Variants in LZTS1 observed in about 807,000 individuals in gnomAD.
LZTS1 encodes leucine zipper tumor suppressor 1.
Under a neutral mutation model 45.8 loss-of-function variants are expected in LZTS1, and 31 were observed. The ratio of observed to expected loss-of-function variants is 0.68; its 90% CI spans 0.51 to 0.91. The LOEUF is 0.91. LZTS1 is among the 40% of genes least tolerant of loss of function. The probability of loss-of-function intolerance (pLI) is 0.00; values close to 1 mark genes in which losing one functional copy is unlikely to be tolerated. For synonymous variants in LZTS1, 359 were observed against 357.3 expected, an observed-to-expected ratio of 1.00 and a Z score of -0.05; for missense variants, 821 against 788.9, an observed-to-expected ratio of 1.04 and a Z score of -0.49.
chr8:20,256,622 A>C (rs1297356156), intron 1 of LZTS1, among the ~76,000 whole-genome samples: 1 of 152,106 alleles, frequency 6.6e-6, no homozygotes, highest in East Asian at 1.9e-4. Context: ...CTGTCTCTAA[A>C]AAACAGTTTT....
chr8:20,253,099 G>A lies in LZTS1; in HGVS notation c.832C>T (p.Gln278Ter). Reference sequence around the variant, plus strand: ...TCCTCAAAGCTGCGCTGCAGCTTCTGGAGGGCGCCCTCCCTCTCCAACAGC... The same window carrying A: ...TCCTCAAAGCTGCGCTGCAGCTTCTAGAGGGCGCCCTCCCTCTCCAACAGC... ...QKLLEREGAL[Q>*]KLQRSFEEKE... Residue 278 changes from glutamine (Q) to a stop codon, truncating the protein, a stop_gained, in exon 3 of 4, where the codon CAG becomes TAG. Transcript: ENST00000381569. LOFTEE classifies it high-confidence loss of function. 1 of 1,610,652 alleles carries A rather than the reference G, an allele frequency of 6.2e-7. No homozygotes were observed.
intron 1 of LZTS1, among the ~76,000 whole-genome samples, chr8:20,298,213 C>T (rs1215291144): frequency 6.6e-6 from 1 of 152,056 alleles, no homozygotes; most frequent in Non-Finnish European, 1.5e-5. Flanking sequence ...AGGCGTGCAC[C>T]ACCACACCTG....
In LZTS1 at chr8:20,303,752, C is replaced by T. The variant is rs1585309060; in HGVS notation, c.-147G>A. ...CACCGCACCTTACCTGCCCCCTGCGCCTCGGGCGCACTTGAGACTTTTTTT... is the reference window on the plus strand; with the variant it reads ...CACCGCACCTTACCTGCCCCCTGCGTCTCGGGCGCACTTGAGACTTTTTTT... On this transcript the variant is annotated 5_prime_UTR_variant, in exon 1 of 4. Transcript: ENST00000381569. The T allele has an allele frequency of 1.1e-5, 11 of 985,436 alleles. No homozygotes were observed. The highest frequency in any genetic ancestry group is 1.3e-5 in the Non-Finnish European group (11 of 830,184). The allele number at this position is 985,436 out of a possible 1,614,324, so 61.0% of individuals were successfully genotyped here.
At chr8:20,293,957 A>G (rs1800941426) in intron 1 of LZTS1, among the ~76,000 whole-genome samples, 1 of 152,144 alleles carries the variant, frequency 6.6e-6, no homozygotes, top group African/African-American at 2.4e-5. Context: ...TAAATAAAAT[A>G]AAAAGAAAAA....
At chr8:20,262,466 G>A (rs192898927) in intron 1 of LZTS1, among the ~76,000 whole-genome samples, 142 of 152,212 alleles carry the variant, frequency 9.3e-4, no homozygotes, top group African/African-American at 3.2e-3. Flanking sequence ...ATGTGTGAAC[G>A]TGTGTGTGTA....
At chr8:20,254,761 C>T (rs1422666318) in intron 2 of LZTS1, 76 bp downstream of exon 2, 3 of 1,266,682 alleles carry the variant, frequency 2.4e-6, no homozygotes, top group South Asian at 1.5e-5. Flanking sequence ...CCCCCTGAAC[C>T]CCCAGGCTCT....
At chr8:20,283,435 C>T (rs1185144347) in intron 1 of LZTS1, among the ~76,000 whole-genome samples, 1 of 152,188 alleles carries the variant, frequency 6.6e-6, no homozygotes, top group African/African-American at 2.4e-5. Flanking sequence ...GCACCTTGAT[C>T]TTGGACTTCT....
chr8:20,297,832 C>T (rs1801003333), intron 1 of LZTS1, among the ~76,000 whole-genome samples: 1 of 152,128 alleles, frequency 6.6e-6, no homozygotes, highest in African/African-American at 2.4e-5. Context: ...CCTCATCATG[C>T]TTGAATTACA....
At chr8:20,293,882 C>G (rs562669739) in intron 1 of LZTS1, among the ~76,000 whole-genome samples, 1 of 152,034 alleles carries the variant, frequency 6.6e-6, no homozygotes. Context: ...GGGATTGCAC[C>G]ACTGCACTCC....
At chr8:20,268,790 G>C (rs1360351289) in intron 1 of LZTS1, among the ~76,000 whole-genome samples, 2 of 152,124 alleles carry the variant, frequency 1.3e-5, no homozygotes, top group South Asian at 2.1e-4. Flanking sequence ...TTGGGAGCAG[G>C]GGCCCACGCA....
At chr8:20,278,195 A>AT (rs1800621723) in intron 1 of LZTS1, among the ~76,000 whole-genome samples, 1 of 152,162 alleles carries the variant, frequency 6.6e-6, no homozygotes, top group Non-Finnish European at 1.5e-5. Context: ...CAGCTTCCTG[A>AT]TAAGATCTCA....
intron 1 of LZTS1, among the ~76,000 whole-genome samples, chr8:20,282,877 TGTC>T (rs1169067888): frequency 6.6e-6 from 1 of 152,224 alleles, no homozygotes; most frequent in East Asian, 1.9e-4. Flanking sequence ...GCATGGGACT[TGTC>T]TGATGATGTC....
chr8:20,293,737 A>G (rs1251538814), intron 1 of LZTS1, among the ~76,000 whole-genome samples: 1 of 152,172 alleles, frequency 6.6e-6, no homozygotes, highest in Non-Finnish European at 1.5e-5. Context: ...GTTCAAAACC[A>G]GCCTGGGTAA....
At chr8:20,273,704 A>C (rs1363491938) in intron 1 of LZTS1, among the ~76,000 whole-genome samples, 1 of 152,096 alleles carries the variant, frequency 6.6e-6, no homozygotes, top group African/African-American at 2.4e-5. Context: ...CATTTCCCTG[A>C]GATTCCATAG....
In LZTS1 at chr8:20,254,887, C is replaced by G; in HGVS notation, c.295G>C (p.Asp99His). ...DLGGQAGVDF[D>H]PSTPPKLMPF... Reference sequence around the variant, plus strand: ...ATGAGCTTGGGGGGTGTGGACGGGTCAAAGTCCACCCCAGCCTGGCCCCCT... The same window carrying G: ...ATGAGCTTGGGGGGTGTGGACGGGTGAAAGTCCACCCCAGCCTGGCCCCCT... The change falls in exon 2 of 4, where the codon GAC (aspartate) becomes CAC (histidine). Residue 99 changes from aspartate to histidine, a missense_variant. Asp to His is a moderately conservative substitution (Grantham distance 81). Transcript: ENST00000381569. 1 of 1,614,132 alleles carries G rather than the reference C, an allele frequency of 6.2e-7. No individual in the cohort carries two copies. The highest frequency in any genetic ancestry group is 1.3e-5 in the African/African-American group (1 of 75,048).
At chr8:20,284,761 C>T (rs1445322888) in intron 1 of LZTS1, among the ~76,000 whole-genome samples, 1 of 152,022 alleles carries the variant, frequency 6.6e-6, no homozygotes, top group Admixed American at 6.6e-5. Context: ...AGCCGGCTTA[C>T]CTCTTCTGCC....
chr8:20,268,893 C>A (rs1159821766), intron 1 of LZTS1, among the ~76,000 whole-genome samples: 1 of 152,046 alleles, frequency 6.6e-6, no homozygotes, highest in Non-Finnish European at 1.5e-5. Flanking sequence ...GTCGAACAAT[C>A]GGAAGCAATT....
chr8:20,260,198 AGTCAT>A (rs374535362), intron 1 of LZTS1, among the ~76,000 whole-genome samples: 86 of 152,276 alleles, frequency 5.6e-4, no homozygotes, highest in African/African-American at 1.9e-3. Flanking sequence ...CACCACACCC[AGTCAT>A]ATCTTATTTT....
At chr8:20,302,550 C>T (rs1801098742) in intron 1 of LZTS1, among the ~76,000 whole-genome samples, 1 of 152,178 alleles carries the variant, frequency 6.6e-6, no homozygotes, top group African/African-American at 2.4e-5. Context: ...GATAGCTCAT[C>T]TCTTTGTGGC....
Sources: allele counts gnomAD v4.1 joint callset (sites outside exome capture counted in the v4.1 genomes callset), GRCh38; gene constraint gnomAD v4.1.1; transcripts MANE v1.5; gene names NCBI Gene and HGNC (gene_info 2026-07-23, HGNC 2026-07-21).